The following FBN3 variants were observed in gnomAD, a reference collection of about 807,000 sequenced individuals.
The protein encoded by FBN3 is fibrillin-3.
In FBN3, 234 loss-of-function variants were observed where a neutral mutation model predicts 330.1. That is an observed-to-expected ratio of 0.71 (90% CI 0.64 to 0.79). The LOEUF (loss-of-function observed/expected upper bound fraction) is 0.79, where lower values mean the gene tolerates loss of function less well. Ranked by LOEUF, FBN3 falls within the 30% of genes least tolerant of loss-of-function variation. The pLI is 0.00. For synonymous variants in FBN3, 1,458 were observed against 1,517.3 expected (o/e 0.96, Z 0.91); for missense variants, 3,606 against 3,886.9 (o/e 0.93, Z 1.92).
In FBN3 at chr19:8,142,690, T is replaced by A. The variant is rs570381983; in HGVS notation, c.542-553A>T. Among the ~76,000 whole-genome samples the A allele has an allele frequency of 3.9e-5, 6 of 152,130 alleles. No individual in the cohort carries two copies. In the South Asian group the frequency reaches 1.2e-3, roughly 32 times the overall value. On this transcript the variant is annotated intron_variant, in intron 6 of 63. Coordinates refer to ENST00000600128, the MANE Select transcript of FBN3 (RefSeq NM_032447.5). ...GACTTCTTGGCTCTCTTCTCCCAGA[T>A]GTTTCCAATAAAGGAGTTAGCTCTC...
Position 8,109,412 on chromosome 19 carries a change from T to G in FBN3, c.4457-24A>C, listed in dbSNP as rs749917707. The G allele has an allele frequency of 6.8e-6, 11 of 1,613,660 alleles. No homozygotes were observed. The highest frequency in any genetic ancestry group is 9.3e-6 in the Non-Finnish European group (11 of 1,179,774). On this transcript the variant is annotated intron_variant, in intron 35 of 63. Transcript: ENST00000600128. The surrounding 1 kb of genome is among the most constrained non-coding windows in gnomAD (Gnocchi z 5.2). ...GTCTGAACAGGCAGAAGGGGATGGT[T>G]AGTAGGTGTCAGAGGGAAAGCTGTA...
At position 8,067,317 on chromosome 19, in the gene FBN3, G is replaced by T. The variant is rs747747945; in HGVS notation, c.8089-1057C>A. ...ATTTTTGTATTTTCAGTAGAGACAG[G>T]GTTTCACTATGTTGGCCAGGCTGGT... On this transcript the variant is annotated intron_variant, in intron 63 of 63. Coordinates refer to ENST00000600128, the MANE Select transcript of FBN3 (RefSeq NM_032447.5). 2.0e-5 allele frequency among the ~76,000 whole-genome samples: 3 copies of T among 152,006 alleles called. No homozygotes were observed. In the South Asian group the frequency reaches 6.3e-4, roughly 32 times the overall value.
intron 39 of FBN3, 109 bp from the exon 40 acceptor site, chr19:8,102,982 C>T: frequency 1.7e-6 from 2 of 1,202,330 alleles, no homozygotes; most frequent in Admixed American, 1.9e-5. Context: ...AGATTACTGG[C>T]TTGTCCAGGC....
intron 39 of FBN3, 60 bp from the exon 40 acceptor site, chr19:8,102,933 G>T: frequency 6.4e-7 from 1 of 1,552,628 alleles, no homozygotes; most frequent in Non-Finnish European, 8.9e-7. Context: ...GTGGAAGAGG[G>T]AGCCAAAGAG....
chr19:8,087,141 A>G lies in FBN3; in HGVS notation c.6690T>C (p.Gly2230=). ...ARGMECKNLI[G]TFACVCPPGM... is the part of the protein sequence containing the mutation. ...CTGGGGGACAGACGCACGCGAAGGT[A>G]CCGATGAGGTTCTTGCACTCCATGC... The change falls in exon 54 of 64, where the codon GGT becomes GGC. Residue 2230 remains glycine (G), a synonymous_variant. Coordinates refer to ENST00000600128, the MANE Select transcript of FBN3 (RefSeq NM_032447.5). The G allele has an allele frequency of 1.9e-6, 3 of 1,610,904 alleles. No individual in the cohort carries two copies. Among genetic ancestry groups the G allele is most frequent in the Non-Finnish European group, 2.5e-6 (3 of 1,179,442 alleles).
In FBN3 at chr19:8,065,970, T is replaced by C. The variant is rs1402678720; in HGVS notation, c.8379A>G (p.Pro2793=). The change falls in exon 64 of 64, where the codon CCA becomes CCG. Residue 2793 remains proline (P), a synonymous_variant. Coordinates refer to ENST00000600128, the MANE Select transcript of FBN3 (RefSeq NM_032447.5). The part of the protein sequence containing the change: ...GPWGVQPEGQ[P]GPWGQALRLK... The stretch of plus-strand genomic sequence containing the variant: ...GCCTCAAGGCCTGGCCCCATGGCCC[T>C]GGCTGCCCCTCTGGCTGGACACCCC... The C allele has an allele frequency of 6.2e-7, 1 of 1,610,968 alleles. No individual in the cohort carries two copies. The highest frequency in any genetic ancestry group is 1.1e-5 in the South Asian group (1 of 90,956).
At chr19:8,133,195 G>C in intron 13 of FBN3, 89 bp from the exon 14 acceptor site, 2 of 1,445,892 alleles carry the variant, frequency 1.4e-6, no homozygotes, top group Non-Finnish European at 9.2e-7. Context: ...TGACCCCCCA[G>C]GATCCCTCCC....
chr19:8,124,081 G>T, intron 22 of FBN3, 73 bp from the exon 23 acceptor site: 1 of 1,308,996 alleles, frequency 7.6e-7, no homozygotes, highest in Non-Finnish European at 1.1e-6. Context: ...GTGCCGCTCA[G>T]TCACTCCCAT....
chr19:8,137,987 A>G (rs571592825), intron 10 of FBN3, among the ~76,000 whole-genome samples, 154 bp downstream of exon 10: 130 of 152,092 alleles, frequency 8.5e-4, no homozygotes, highest in Non-Finnish European at 1.6e-3. Flanking sequence ...CACTACTAGC[A>G]CTGTCATCCC....
chr19:8,143,496 TC>T (rs1239750725), intron 6 of FBN3, among the ~76,000 whole-genome samples: 4 of 103,896 alleles, frequency 3.9e-5, no homozygotes, highest in African/African-American at 1.6e-4. Flanking sequence ...TCTTTTCTTT[TC>T]TTTTTTTTTT....
chr19:8,109,415 T>C lies in FBN3; in HGVS notation c.4457-27A>G. On this transcript the variant is annotated intron_variant, in intron 35 of 63. Coordinates refer to ENST00000600128, the MANE Select transcript of FBN3 (RefSeq NM_032447.5). The surrounding 1 kb of genome is among the most constrained non-coding windows in gnomAD (Gnocchi z 5.2). ...TGAACAGGCAGAAGGGGATGGTTAG[T>C]AGGTGTCAGAGGGAAAGCTGTATGT... is the stretch of plus-strand genomic sequence containing the variant. 6.8e-6 allele frequency: 11 copies of C among 1,613,664 alleles called. No individual in the cohort carries two copies. The highest frequency in any genetic ancestry group is 9.3e-6 in the Non-Finnish European group (11 of 1,179,638).
In FBN3 at chr19:8,086,222, G is replaced by T. The variant is rs917259947; in HGVS notation, c.6858C>A (p.Ser2286Arg). The T allele has an allele frequency of 1.2e-6, 2 of 1,609,856 alleles. No individual in the cohort carries two copies. Among genetic ancestry groups the T allele is most frequent in the Non-Finnish European group, 8.5e-7 (1 of 1,177,812 alleles). The change falls in exon 55 of 64, where the codon AGC (serine) becomes AGA (arginine). Residue 2286 changes from serine to arginine, a missense_variant. Transcript: ENST00000600128. ...RCDCDEGFQP[S>R]PTLTECHDIR... ...CACCGTGGCACTCGGTAAGGGTGGG[G>T]CTGGGCTGGAATCCCTCATCACAGT...
In FBN3 at chr19:8,121,499, C is replaced by T. The variant is rs1203689821; in HGVS notation, c.3083-113G>A. On this transcript the variant is annotated intron_variant, in intron 24 of 63. Coordinates refer to ENST00000600128, the MANE Select transcript of FBN3 (RefSeq NM_032447.5). This position sits in a 1 kb window ranked among gnomAD's most constrained non-coding sequence, Gnocchi z 4.5. ...GTGTGGGCTAGAGGAAGCCCATCTG[C>T]AGACATAAGGAGGCACAGGCCAAGA... The T allele has an allele frequency of 8.0e-6, 9 of 1,119,066 alleles. No homozygotes were observed. The highest frequency in any genetic ancestry group is 1.1e-5 in the Non-Finnish European group (9 of 815,036). 69.3% of individuals were successfully genotyped at this position (1,119,066 alleles called of 1,614,324 possible).
intron 23 of FBN3, 44 bp downstream of exon 23, chr19:8,123,740 C>T (rs1049283041): frequency 6.2e-7 from 1 of 1,604,474 alleles, no homozygotes; most frequent in Admixed American, 1.7e-5. Context: ...TATGCCGTGC[C>T]CCTCCCCATC....
In FBN3 at chr19:8,081,495, C is replaced by T. The variant is rs191521806; in HGVS notation, c.7214-15G>A. The T allele has an allele frequency of 1.0e-4, 165 of 1,592,134 alleles. No homozygotes were observed. The highest frequency in any genetic ancestry group is 1.2e-4 in the Non-Finnish European group (143 of 1,170,060). On this transcript the variant is annotated splice_polypyrimidine_tract_variant and intron_variant, in intron 57 of 63. Transcript: ENST00000600128. ...CTCATCCATATCTGGGGAAGGACAG[C>T]GTGGGTAGTGGGGCGGGGTTAGACA...
At chr19:8,116,188 C>G (rs2082701070) in intron 29 of FBN3, among the ~76,000 whole-genome samples, 1 of 152,152 alleles carries the variant, frequency 6.6e-6, no homozygotes, top group Non-Finnish European at 1.5e-5. Context: ...TCAGCTTTGT[C>G]CTGATAGGGT....
At chr19:8,144,401 AAG>A (rs1555757259) in intron 6 of FBN3, among the ~76,000 whole-genome samples, 14 of 151,682 alleles carry the variant, frequency 9.2e-5, no homozygotes, top group African/African-American at 3.1e-4. Context: ...TCAAAAAAAA[AAG>A]AGAGAATTAG....
rs562868300 is a variant in FBN3, at chr19:8,109,433, CT to C, written c.4457-46del. 4,230 of 1,609,094 alleles carry C rather than the reference CT, an allele frequency of 2.6e-3. 33 individuals carry two copies. The highest frequency in any genetic ancestry group is 0.018 in the Middle Eastern group (109 of 6,038). On this transcript the variant is annotated intron_variant, in intron 35 of 63. Coordinates refer to ENST00000600128, the MANE Select transcript of FBN3 (RefSeq NM_032447.5). The surrounding 1 kb of genome is among the most constrained non-coding windows in gnomAD (Gnocchi z 5.2). ...TGGTTAGTAGGTGTCAGAGGGAAAGCTGTATGTGTGCGTGTGCATGCATGTG... is the reference window on the plus strand; with the variant it reads ...TGGTTAGTAGGTGTCAGAGGGAAAGCGTATGTGTGCGTGTGCATGCATGTG...
Position 8,087,173 on chromosome 19 carries a change from C to A in FBN3, c.6658G>T (p.Ala2220Ser), listed in dbSNP as rs372959472. 1.9e-6 allele frequency: 3 copies of A among 1,606,364 alleles called. No homozygotes were observed. Among genetic ancestry groups the A allele is most frequent in the Non-Finnish European group, 2.5e-6 (3 of 1,177,634 alleles). ...AGGTTCTTGCACTCCATGCCCCGGG[C>A]GTGGCAGTCCTGCTGACCATCTGCA... ...ECADGQQDCH[A>S]RGMECKNLIG... Residue 2220 changes from alanine to serine, a missense_variant, in exon 54 of 64, where the codon GCC becomes TCC. By Grantham distance (99) the Ala-to-Ser change is moderately conservative (BLOSUM62 1). Transcript: ENST00000600128.
Sources: gnomAD v4.1 joint callset for allele counts (sites outside exome capture counted in the v4.1 genomes callset) on GRCh38, gnomAD v4.1.1 for gene constraint, Gnocchi (gnomAD v3.1) non-coding constraint, MANE v1.5 for transcripts, NCBI Gene and HGNC (gene_info 2026-07-23, HGNC 2026-07-21) for gene names.